HDX: variants seen among roughly 807,000 people sequenced by gnomAD.
HDX encodes highly divergent homeobox.
Under a neutral mutation model 45.2 loss-of-function variants are expected in HDX, and 19 were observed. The ratio of observed to expected loss-of-function variants is 0.42; its 90% CI spans 0.29 to 0.62. The LOEUF (loss-of-function observed/expected upper bound fraction) is 0.62. Among genes scored for constraint, HDX ranks in the 20% least tolerant of loss-of-function variants. The pLI, the probability that HDX is intolerant of heterozygous loss-of-function variation, is 0.20. For missense variants in HDX, 532 were observed against 493.9 expected, an observed-to-expected ratio of 1.08 and a Z score of -0.73; for synonymous variants, 188 against 172.8, an observed-to-expected ratio of 1.09 and a Z score of -0.69.
intron 5 of HDX, among the ~76,000 whole-genome samples, chrX:84,410,404 A>G (rs2038956945): frequency 9.0e-6 from 1 of 111,414 alleles, no homozygotes; most frequent in Non-Finnish European, 1.9e-5. Context: ...ATCTATTGAA[A>G]TGGTTATATG....
intron 4 of HDX, among the ~76,000 whole-genome samples, chrX:84,445,711 C>G (rs1444677276): frequency 9.0e-6 from 1 of 111,271 alleles, no homozygotes; most frequent in African/African-American, 3.3e-5. Context: ...TTCCTCTTTT[C>G]TCTCTACAAA....
At chrX:84,480,300 T>C (rs1255658552) in intron 2 of HDX, among the ~76,000 whole-genome samples, 2 of 111,558 alleles carry the variant, frequency 1.8e-5, no homozygotes, top group Non-Finnish European at 3.8e-5. Flanking sequence ...AGGGACAAGC[T>C]TATTTCTTGT....
intron 7 of HDX, among the ~76,000 whole-genome samples, chrX:84,338,888 C>T (rs756521892): frequency 3.5e-4 from 39 of 110,933 alleles, no homozygotes; most frequent in Admixed American, 6.7e-4. Flanking sequence ...AGCACCCCAT[C>T]CCTCTTCTTC....
intron 6 of HDX, 81 bp downstream of exon 6, chrX:84,361,385 G>T: frequency 1.2e-6 from 1 of 858,862 alleles, no homozygotes; most frequent in Non-Finnish European, 1.7e-6. Context: ...AGCATTGCTT[G>T]GAGCACCTCA....
chrX:84,365,234 T>C (rs753535924), intron 5 of HDX, among the ~76,000 whole-genome samples: 1 of 111,631 alleles, frequency 9.0e-6, no homozygotes, highest in Non-Finnish European at 1.9e-5. Flanking sequence ...GTTACAGTTA[T>C]CTATTGATGG....
chrX:84,402,530 G>T lies in HDX; in HGVS notation c.1305+38002C>A, dbSNP rs762102898. On this transcript the variant is annotated intron_variant, in intron 5 of 10. Transcript: ENST00000373177. ...TATAAATAGAATCATACAGTGTATA[G>T]TATTCCATTGTACTGATGTACCACT... 3.6e-5 allele frequency among the ~76,000 whole-genome samples: 4 copies of T among 111,714 alleles called. No homozygotes were observed. The East Asian group carries it at 1.1e-3, about 32-fold the overall frequency.
At chrX:84,401,056 G>A (rs2038692168) in intron 5 of HDX, among the ~76,000 whole-genome samples, 1 of 111,759 alleles carries the variant, frequency 8.9e-6, no homozygotes, top group African/African-American at 3.3e-5. Context: ...ATTAACTCAA[G>A]ATATATTAAA....
chrX:84,454,875 G>A (rs2040079154), intron 4 of HDX, among the ~76,000 whole-genome samples: 2 of 110,964 alleles, frequency 1.8e-5, no homozygotes, highest in Admixed American at 9.6e-5. Context: ...AGCACACAGA[G>A]AGACTTTGTT....
intron 5 of HDX, among the ~76,000 whole-genome samples, chrX:84,376,177 A>G (rs765245601): frequency 1.8e-5 from 2 of 112,037 alleles, no homozygotes; most frequent in South Asian, 7.5e-4. Context: ...TAGTGCTAGA[A>G]GCATCCATGA....
chrX:84,450,077 C>T (rs1328132494), intron 4 of HDX, among the ~76,000 whole-genome samples: 5 of 104,188 alleles, frequency 4.8e-5, no homozygotes, highest in African/African-American at 6.9e-5. Flanking sequence ...GCACGTTGTG[C>T]GCATGTACCC....
intron 4 of HDX, among the ~76,000 whole-genome samples, chrX:84,462,774 C>T (rs931687157): frequency 9.0e-6 from 1 of 110,962 alleles, no homozygotes; most frequent in South Asian, 3.7e-4. Flanking sequence ...CTGAAAAGTA[C>T]ATAACATTCT....
chrX:84,336,541 G>A (rs1324712158), intron 8 of HDX, among the ~76,000 whole-genome samples: 1 of 111,261 alleles, frequency 9.0e-6, no homozygotes, highest in African/African-American at 3.3e-5. Context: ...CTTGTTATAT[G>A]TAAAATATCA....
intron 2 of HDX, among the ~76,000 whole-genome samples, chrX:84,480,842 G>A (rs1193943674): frequency 9.0e-6 from 1 of 110,510 alleles, no homozygotes; most frequent in Non-Finnish European, 1.9e-5. Flanking sequence ...AATGTATTTG[G>A]TTTTAGTACT....
chrX:84,477,113 T>C (rs1263172818), intron 2 of HDX, among the ~76,000 whole-genome samples: 1 of 111,491 alleles, frequency 9.0e-6, no homozygotes, highest in Non-Finnish European at 1.9e-5. Flanking sequence ...TTTCTTTTCC[T>C]AAATGGTTCA....
chrX:84,395,408 C>T (rs750666834), intron 5 of HDX, among the ~76,000 whole-genome samples: 45 of 109,484 alleles, frequency 4.1e-4, no homozygotes, highest in African/African-American at 9.3e-4. Flanking sequence ...CATTCTCTCA[C>T]GGCCTGTATG....
chrX:84,455,606 A>G (rs1005810693), intron 4 of HDX, among the ~76,000 whole-genome samples: 1 of 111,977 alleles, frequency 8.9e-6, no homozygotes, highest in African/African-American at 3.2e-5. Flanking sequence ...GGGCAAATCT[A>G]AAAGATTTTG....
intron 5 of HDX, among the ~76,000 whole-genome samples, chrX:84,377,803 C>G (rs1442741984): frequency 9.0e-6 from 1 of 110,875 alleles, no homozygotes; most frequent in Non-Finnish European, 1.9e-5. Context: ...GCCTTAAAGA[C>G]AGGGTAGATA....
chrX:84,416,005 TAAAC>T (rs2039094944), intron 5 of HDX, among the ~76,000 whole-genome samples: 1 of 112,293 alleles, frequency 8.9e-6, no homozygotes, highest in Non-Finnish European at 1.9e-5. Context: ...TTGTTGGACA[TAAAC>T]AGTCTCACAG....
intron 4 of HDX, among the ~76,000 whole-genome samples, chrX:84,442,626 C>A (rs1156652316): frequency 1.8e-5 from 2 of 110,494 alleles, no homozygotes; most frequent in Non-Finnish European, 3.8e-5. Flanking sequence ...TGTATTTTTT[C>A]TTTTTATCCC....
Sources: gnomAD v4.1 joint callset for allele counts (sites outside exome capture counted in the v4.1 genomes callset) on GRCh38, gnomAD v4.1.1 for gene constraint, MANE v1.5 for transcripts, NCBI Gene and HGNC (gene_info 2026-07-23, HGNC 2026-07-21) for gene names.